The following AHR variants were observed in gnomAD, a reference collection of about 807,000 sequenced individuals.
The protein encoded by AHR is AH-receptor.
AHR carries 40 observed loss-of-function variants against 86.8 expected under a neutral mutation model. The observed-to-expected ratio is 0.46, with a 90% CI of 0.36 to 0.60. The LOEUF (loss-of-function observed/expected upper bound fraction) is 0.60, where lower values mean the gene tolerates loss of function less well. Among genes scored for constraint, AHR ranks in the 20% least tolerant of loss-of-function variants. The pLI, the probability that AHR is intolerant of heterozygous loss-of-function variation, is 0.00. For synonymous variants in AHR, 398 were observed against 354.9 expected, an observed-to-expected ratio of 1.12 and a Z score of -1.37; for missense variants, 1,001 against 1,011.6, an observed-to-expected ratio of 0.99 and a Z score of 0.14.
intron 2 of AHR, among the ~76,000 whole-genome samples, chr7:17,312,093 C>A (rs566674217): frequency 5.9e-4 from 90 of 152,310 alleles, no homozygotes; most frequent in African/African-American, 2.1e-3. Flanking sequence ...TTAGGAGCCA[C>A]TGCTGTAGAT....
At chr7:17,315,359 A>G (rs1323533654) in intron 2 of AHR, among the ~76,000 whole-genome samples, 1 of 152,046 alleles carries the variant, frequency 6.6e-6, no homozygotes, top group Non-Finnish European at 1.5e-5. Context: ...TGCTTTGACA[A>G]CTATTTTGAA....
At chr7:17,319,267 C>T (rs188497251) in intron 2 of AHR, among the ~76,000 whole-genome samples, 235 of 152,176 alleles carry the variant, frequency 1.5e-3, no homozygotes, top group Non-Finnish European at 1.9e-3. Flanking sequence ...CCAGGCATTA[C>T]CCTGGTATTG....
rs573131315 is a variant in AHR at position 17,339,856 on chromosome 7, C to T, written c.2031C>T (p.Asp677=). 3 of 1,614,176 alleles carry T rather than the reference C, an allele frequency of 1.9e-6. No homozygotes were observed. The African/African-American group carries it at 4.0e-5, about 22-fold the overall frequency. Residue 677 remains aspartate (D), a synonymous_variant, in exon 10 of 11, where the codon GAC becomes GAT. Coordinates refer to ENST00000242057, the MANE Select transcript of AHR (RefSeq NM_001621.5). The part of the protein sequence containing the change: ...QDPQQYNVFT[D]LHGISQEFPY... ...CACAACAATATAATGTCTTTACAGA[C>T]TTACATGGGATCAGTCAAGAGTTCC...
chr7:17,340,702 C>T (rs1364640588), intron 10 of AHR, among the ~76,000 whole-genome samples: 1 of 152,008 alleles, frequency 6.6e-6, no homozygotes, highest in Non-Finnish European at 1.5e-5. Context: ...TTTAAGTGTG[C>T]TTTCTTACAA....
chr7:17,329,270 C>T (rs1162901598), intron 4 of AHR, among the ~76,000 whole-genome samples: 1 of 151,838 alleles, frequency 6.6e-6, no homozygotes, highest in African/African-American at 2.4e-5. Context: ...ACAGTGTTAT[C>T]TCATGTAATA....
chr7:17,323,058 C>G (rs1291183978), intron 3 of AHR, among the ~76,000 whole-genome samples: 1 of 152,022 alleles, frequency 6.6e-6, no homozygotes, highest in Admixed American at 6.6e-5. Flanking sequence ...TGATGAAAAT[C>G]ACCTAACCAC....
intron 3 of AHR, among the ~76,000 whole-genome samples, chr7:17,326,679 A>G (rs368206580): frequency 6.6e-6 from 1 of 152,158 alleles, no homozygotes; most frequent in East Asian, 1.9e-4. Flanking sequence ...TTTTGAAATA[A>G]CACTGAAGCC....
intron 7 of AHR, 130 bp downstream of exon 7, chr7:17,334,244 C>A: frequency 1.3e-6 from 1 of 780,130 alleles, no homozygotes; most frequent in Non-Finnish European, 2.0e-6. Context: ...GTACATTCTT[C>A]CAGTGTAGCC....
chr7:17,324,715 T>C (rs1051984136), intron 3 of AHR, among the ~76,000 whole-genome samples: 9 of 151,236 alleles, frequency 6.0e-5, no homozygotes, highest in African/African-American at 2.2e-4. Flanking sequence ...GGCCCGAGAA[T>C]CGCTTGAAGC....
intron 5 of AHR, 37 bp from the exon 6 acceptor site, chr7:17,330,719 A>T: frequency 6.6e-7 from 1 of 1,524,024 alleles, no homozygotes; most frequent in Non-Finnish European, 8.9e-7. Context: ...TTACAGCAAA[A>T]TGGAAAGTAA....
Position 17,322,487 on chromosome 7 carries a change from C to CT in AHR, c.254-7dup, listed in dbSNP as rs375683016. 15 of 1,551,750 alleles carry CT rather than the reference C, an allele frequency of 9.7e-6. No homozygotes were observed. The highest frequency in any genetic ancestry group is 1.2e-5 in the Non-Finnish European group (14 of 1,127,864). On this transcript the variant is annotated splice_polypyrimidine_tract_variant and intron_variant, in intron 2 of 10. Transcript: ENST00000242057. ...CTTACTTTTAAAATCATTGTTTTTC[C>CT]TTTTTTTCCATAGTTGCATTAAAAT...
Position 17,340,188 on chromosome 7 carries a change from A to G in AHR, c.2363A>G (p.Tyr788Cys), listed in dbSNP as rs1463213159. 5 of 1,613,178 alleles carry G rather than the reference A, an allele frequency of 3.1e-6. No individual in the cohort carries two copies. The highest frequency in any genetic ancestry group is 4.2e-6 in the Non-Finnish European group (5 of 1,179,558). ...PQHTHVGQMQ[Y>C]NPVLPGQQAF... ...CACACCCACGTGGGTCAGATGCAGT[A>G]CAATCCAGTACTGCCAGGCCAACAG... The change falls in exon 10 of 11, where the codon TAC becomes TGC. Residue 788 changes from tyrosine (Y) to cysteine (C), a missense_variant. Tyr to Cys is a radical substitution (Grantham distance 194). Transcript: ENST00000242057.
intron 2 of AHR, among the ~76,000 whole-genome samples, chr7:17,318,770 C>A (rs1782140957): frequency 6.6e-6 from 1 of 151,894 alleles, no homozygotes; most frequent in South Asian, 2.1e-4. Flanking sequence ...TATAGTTGAC[C>A]CTTGAACAAT....
rs1463522414 is a variant in AHR, at chr7:17,333,386, C to T, written c.706-526C>T. Among the ~76,000 whole-genome samples the T allele has an allele frequency of 2.0e-5, 3 of 151,936 alleles. No individual in the cohort carries two copies. In the South Asian group the frequency reaches 6.2e-4, roughly 31 times the overall value. On this transcript the variant is annotated intron_variant, in intron 6 of 10. Transcript: ENST00000242057. Reference sequence around the variant, plus strand: ...TTTGTTTTCCCTGTCTTCTAAATTTCTTCCATATCTTTACTCAGTAGGGCT... The same window carrying T: ...TTTGTTTTCCCTGTCTTCTAAATTTTTTCCATATCTTTACTCAGTAGGGCT...
chr7:17,324,304 CATT>C (rs1169928617), intron 3 of AHR, among the ~76,000 whole-genome samples: 1 of 152,110 alleles, frequency 6.6e-6, no homozygotes, highest in Non-Finnish European at 1.5e-5. Context: ...TGACTAAAAA[CATT>C]ATAGATATGT....
At chr7:17,310,520 T>C (rs1234264747) in intron 2 of AHR, among the ~76,000 whole-genome samples, 2 of 151,816 alleles carry the variant, frequency 1.3e-5, no homozygotes, top group Non-Finnish European at 2.9e-5. Context: ...CCTCCAAACT[T>C]ACGTATATTT....
Position 17,342,940 on chromosome 7 carries a change from A to C in AHR, c.2423A>C (p.Asn808Thr). 6.2e-7 allele frequency: 1 copy of C among 1,612,582 alleles called. No individual in the cohort carries two copies. Among genetic ancestry groups the C allele is most frequent in the Non-Finnish European group, 8.5e-7 (1 of 1,179,352 alleles). Residue 808 changes from asparagine to threonine, a missense_variant, in exon 11 of 11, where the codon AAT becomes ACT. Asn to Thr is a moderately conservative substitution (Grantham distance 65). Transcript: ENST00000242057. ...FLNKFQNGVL[N>T]ETYPAELNNI... ...TTTCAGTTTCAGAATGGAGTTTTAA[A>C]TGAAACATATCCAGCTGAATTAAAT...
chr7:17,308,766 T>C (rs1782031947), intron 1 of AHR, among the ~76,000 whole-genome samples: 1 of 152,026 alleles, frequency 6.6e-6, no homozygotes, highest in African/African-American at 2.4e-5. Context: ...TTTGTAGAAG[T>C]ATTTACTTTT....
chr7:17,326,170 C>A (rs1391008516), intron 3 of AHR, among the ~76,000 whole-genome samples: 1 of 151,998 alleles, frequency 6.6e-6, no homozygotes, highest in Admixed American at 6.6e-5. Flanking sequence ...ATGGCACTTA[C>A]CTCATTGGGT....
Sources: gnomAD v4.1 joint callset for allele counts (sites outside exome capture counted in the v4.1 genomes callset) on GRCh38, gnomAD v4.1.1 for gene constraint, MANE v1.5 for transcripts, NCBI Gene and HGNC (gene_info 2026-07-23, HGNC 2026-07-21) for gene names.